The following CCDC146 variants were observed in gnomAD, a reference collection of about 807,000 sequenced individuals.
CCDC146 encodes the protein coiled-coil domain-containing protein 146.
CCDC146 carries 92 observed loss-of-function variants against 119.3 expected under a neutral mutation model. That is an observed-to-expected ratio of 0.77 (90% CI 0.65 to 0.92). The LOEUF is 0.92. Among genes scored for constraint, CCDC146 ranks in the 40% least tolerant of loss-of-function variants. The probability of loss-of-function intolerance (pLI) is 0.00; values close to 1 mark genes in which losing one functional copy is unlikely to be tolerated. For synonymous variants in CCDC146, 372 were observed against 371.8 expected (o/e 1.00, Z -0.01); for missense variants, 1,000 against 1,103.0 (o/e 0.91, Z 1.32).
At chr7:77,174,825 G>C (rs1791478600) in intron 2 of CCDC146, among the ~76,000 whole-genome samples, 1 of 152,166 alleles carries the variant, frequency 6.6e-6, no homozygotes, top group African/African-American at 2.4e-5. Flanking sequence ...ATAAAGTTCT[G>C]TGATCATTAT....
At chr7:77,245,330 C>G (rs937711193) in intron 4 of CCDC146, among the ~76,000 whole-genome samples, 1 of 152,236 alleles carries the variant, frequency 6.6e-6, no homozygotes, top group African/African-American at 2.4e-5. Context: ...ACTTACCTCT[C>G]TAAACAGTTT....
chr7:77,200,245 A>G (rs971050144), intron 2 of CCDC146, among the ~76,000 whole-genome samples: 1 of 152,196 alleles, frequency 6.6e-6, no homozygotes, highest in Non-Finnish European at 1.5e-5. Context: ...TCCTTCTTAG[A>G]ATGGGGCATT....
chr7:77,247,252 T>C (rs1792970163), intron 4 of CCDC146, among the ~76,000 whole-genome samples: 1 of 152,206 alleles, frequency 6.6e-6, no homozygotes, highest in Non-Finnish European at 1.5e-5. Flanking sequence ...CCTAAAGAAT[T>C]AGTCATTTTA....
chr7:77,200,440 A>G (rs1791966102), intron 2 of CCDC146, among the ~76,000 whole-genome samples: 1 of 152,222 alleles, frequency 6.6e-6, no homozygotes, highest in Non-Finnish European at 1.5e-5. Flanking sequence ...TCCGTAGCAT[A>G]GTGTATATTA....
At chr7:77,199,476 G>A (rs143258118) in intron 2 of CCDC146, 220 of 1,613,956 alleles carry the variant, frequency 1.4e-4, no homozygotes, top group Non-Finnish European at 1.6e-4. Context: ...CTGGGTCTCC[G>A]TTGTCATCAG....
chr7:77,147,776 G>A (rs4617076), intron 1 of CCDC146, among the ~76,000 whole-genome samples: 10 of 152,182 alleles, frequency 6.6e-5, no homozygotes, highest in South Asian at 6.2e-4. Context: ...TGGAAGCTTC[G>A]TCTCAGAGGG....
chr7:77,167,870 T>A, intron 2 of CCDC146, 46 bp downstream of exon 2: 1 of 1,587,578 alleles, frequency 6.3e-7, no homozygotes, highest in Non-Finnish European at 8.6e-7. Context: ...CAACTCAACA[T>A]GTACTTAAAA....
At position 77,229,907 on chromosome 7, in the gene CCDC146, C is replaced by T. The variant is rs137861182; in HGVS notation, c.157-7040C>T. ...TCATGGCATAATTGTAGAATATTTCCGTGACACCAAAGAAACCTTGTGCCC... is the reference window on the plus strand; with the variant it reads ...TCATGGCATAATTGTAGAATATTTCTGTGACACCAAAGAAACCTTGTGCCC... On this transcript the variant is annotated intron_variant, in intron 2 of 18. Coordinates refer to ENST00000285871, the MANE Select transcript of CCDC146 (RefSeq NM_020879.3). 2.0e-4 allele frequency among the ~76,000 whole-genome samples: 31 copies of T among 152,066 alleles called. No individual in the cohort carries two copies. The East Asian group carries it at 4.2e-3, about 21-fold the overall frequency.
At chr7:77,268,626 A>C (rs1793452416) in intron 9 of CCDC146, among the ~76,000 whole-genome samples, 2 of 152,200 alleles carry the variant, frequency 1.3e-5, no homozygotes. Context: ...CATGCCTTCC[A>C]GTAGCTTCAT....
At chr7:77,240,374 A>G (rs1792820388) in intron 3 of CCDC146, among the ~76,000 whole-genome samples, 1 of 152,220 alleles carries the variant, frequency 6.6e-6, no homozygotes, top group Admixed American at 6.5e-5. Context: ...CACCTCTTGC[A>G]CCTAGCATAG....
intron 1 of CCDC146, among the ~76,000 whole-genome samples, chr7:77,130,453 G>T (rs1790765359): frequency 6.6e-6 from 1 of 151,982 alleles, no homozygotes; most frequent in South Asian, 2.1e-4. Flanking sequence ...ACTAAATATT[G>T]GAATTACTGT....
chr7:77,144,244 T>C (rs1336269334), intron 1 of CCDC146, among the ~76,000 whole-genome samples: 1 of 151,744 alleles, frequency 6.6e-6, no homozygotes, highest in Non-Finnish European at 1.5e-5. Flanking sequence ...TAAGAATGCT[T>C]GTGATTTTTG....
intron 1 of CCDC146, among the ~76,000 whole-genome samples, chr7:77,133,828 T>TACAC (rs142218364): frequency 0.014 from 1,953 of 143,736 alleles, 17 homozygotes; most frequent in Middle Eastern, 0.021. Flanking sequence ...TATGCTTAGG[T>TACAC]ACACACACAC....
chr7:77,205,341 C>A (rs1470404892), intron 2 of CCDC146, among the ~76,000 whole-genome samples: 1 of 152,054 alleles, frequency 6.6e-6, no homozygotes, highest in Non-Finnish European at 1.5e-5. Flanking sequence ...TTTAAAGACA[C>A]CCTATTTAAT....
intron 11 of CCDC146, among the ~76,000 whole-genome samples, chr7:77,276,154 C>A (rs1167304524): frequency 7.5e-6 from 1 of 133,016 alleles, no homozygotes; most frequent in Admixed American, 8.9e-5. Context: ...TGTAGTGAGC[C>A]AAAATCGCAC....
At chr7:77,192,317 T>G (rs763700096) in intron 2 of CCDC146, among the ~76,000 whole-genome samples, 1 of 152,220 alleles carries the variant, frequency 6.6e-6, no homozygotes, top group Non-Finnish European at 1.5e-5. Flanking sequence ...TCCTATTTTA[T>G]AATTGAAGGA....
intron 1 of CCDC146, among the ~76,000 whole-genome samples, chr7:77,145,696 A>T (rs1791006896): frequency 6.6e-6 from 1 of 152,072 alleles, no homozygotes; most frequent in South Asian, 2.1e-4. Flanking sequence ...ATTCAGGAGC[A>T]GGTTGTTCAG....
intron 1 of CCDC146, among the ~76,000 whole-genome samples, chr7:77,162,695 T>C (rs1309088171): frequency 6.6e-6 from 1 of 152,140 alleles, no homozygotes; most frequent in Non-Finnish European, 1.5e-5. Flanking sequence ...TGGAATTTTA[T>C]AGGGATTGCA....
At chr7:77,180,679 G>A (rs990603769) in intron 2 of CCDC146, among the ~76,000 whole-genome samples, 4 of 152,154 alleles carry the variant, frequency 2.6e-5, no homozygotes, top group Non-Finnish European at 5.9e-5. Flanking sequence ...GTCTAGGTGA[G>A]AGTGAGACCT....
Sources: allele counts gnomAD v4.1 joint callset (sites outside exome capture counted in the v4.1 genomes callset), GRCh38; gene constraint gnomAD v4.1.1; transcripts MANE v1.5; gene names NCBI Gene and HGNC (gene_info 2026-07-23, HGNC 2026-07-21).